UFL1: variants seen among roughly 807,000 people sequenced by gnomAD.
UFL1 encodes UFM1 specific ligase 1.
Under a neutral mutation model 99.3 loss-of-function variants are expected in UFL1, and 78 were observed. The ratio of observed to expected loss-of-function variants is 0.79; its 90% CI spans 0.65 to 0.95. The LOEUF is 0.95. Ranked by LOEUF, UFL1 falls within the 40% of genes least tolerant of loss-of-function variation. The probability of loss-of-function intolerance (pLI) is 0.00; values close to 1 mark genes in which losing one functional copy is unlikely to be tolerated. For missense variants in UFL1, 936 were observed against 937.0 expected, an observed-to-expected ratio of 1.00 and a Z score of 0.01; for synonymous variants, 335 against 322.2, an observed-to-expected ratio of 1.04 and a Z score of -0.42.
At chr6:96,540,869 CT>C (rs1190032480) in intron 11 of UFL1, among the ~76,000 whole-genome samples, 1 of 151,272 alleles carries the variant, frequency 6.6e-6, no homozygotes, top group African/African-American at 2.4e-5. Flanking sequence ...TTTGTGAAAA[CT>C]TTATTTTATC....
rs965862127 is a variant in UFL1, at chr6:96,548,145, T to G, written c.1403-19T>G. 6.7e-7 allele frequency: 1 copy of G among 1,487,658 alleles called. No individual in the cohort carries two copies. 92.2% of individuals were successfully genotyped at this position (1,487,658 alleles called of 1,614,324 possible). ...TTTTTATTTATTTATTTATTTGCCA[T>G]TGCTCATGTCCGATATAGGAAAGAA... On this transcript the variant is annotated intron_variant, in intron 12 of 18. Coordinates refer to ENST00000369278, the MANE Select transcript of UFL1 (RefSeq NM_015323.5).
chr6:96,553,193 A>G, intron 18 of UFL1, 92 bp from the exon 19 acceptor site: 4 of 1,179,932 alleles, frequency 3.4e-6, no homozygotes, highest in Non-Finnish European at 3.6e-6. Context: ...AAAGATGAGG[A>G]CCTTCAATGT....
Position 96,549,715 on chromosome 6 carries a change from T to C in UFL1, c.1734T>C (p.Cys578=). ...ALTKHLLKSV[C]TDITNLIFNF... ...CCAAACACTTGCTGAAGTCAGTGTG[T>C]ACTGATATCACTAACCTCATTTTCA... Residue 578 remains cysteine, a synonymous_variant, in exon 15 of 19, where the codon TGT becomes TGC. Transcript: ENST00000369278. The C allele has an allele frequency of 6.2e-7, 1 of 1,612,462 alleles. No homozygotes were observed.
intron 15 of UFL1, among the ~76,000 whole-genome samples, chr6:96,550,339 T>C (rs1018963910): frequency 2.0e-5 from 3 of 151,822 alleles, no homozygotes; most frequent in Non-Finnish European, 2.9e-5. Context: ...CCTCCCACCT[T>C]CTCTACCTCC....
chr6:96,537,256 A>T, intron 8 of UFL1, 118 bp from the exon 9 acceptor site: 1 of 725,860 alleles, frequency 1.4e-6, no homozygotes, highest in Non-Finnish European at 2.1e-6. Flanking sequence ...GAGTTAGAGG[A>T]GTTAAGAAGG....
In UFL1 at chr6:96,552,501, C is replaced by A; in HGVS notation, c.2005C>A (p.Arg669=). Residue 669 remains arginine, a synonymous_variant, in exon 18 of 19, where the codon CGA becomes AGA. Transcript: ENST00000369278. Reference sequence around the variant, plus strand: ...TTTTAGACAGATACTGTTCCAACATCGACAAGCACTGGCTGAACAGCTAAA... The same window carrying A: ...TTTTAGACAGATACTGTTCCAACATAGACAAGCACTGGCTGAACAGCTAAA... The part of the protein sequence containing the change: ...KRERQILFQH[R]QALAEQLKVT... 3 of 1,581,156 alleles carry A rather than the reference C, an allele frequency of 1.9e-6. No individual in the cohort carries two copies. Among genetic ancestry groups the A allele is most frequent in the East Asian group, 2.3e-5 (1 of 43,730 alleles).
chr6:96,526,387 A>G lies in UFL1; in HGVS notation c.417A>G (p.Ile139Met). The change falls in exon 5 of 19, where the codon ATA becomes ATG. Residue 139 changes from isoleucine (I) to methionine (M), a missense_variant. Coordinates refer to ENST00000369278, the MANE Select transcript of UFL1 (RefSeq NM_015323.5). Reference protein sequence around the residue: ...DKLQESGQVTISELCKTYDLP... With the variant: ...DKLQESGQVTMSELCKTYDLP... ...TGCAAGAAAGTGGTCAGGTCACCAT[A>G]TCAGAACTGTGTAAAACTTATGATC... The G allele has an allele frequency of 1.2e-6, 2 of 1,613,570 alleles. No homozygotes were observed. Among genetic ancestry groups the G allele is most frequent in the Non-Finnish European group, 1.7e-6 (2 of 1,179,798 alleles).
At position 96,526,348 on chromosome 6, in the gene UFL1, G is replaced by C; in HGVS notation, c.378G>C (p.Glu126Asp). 6.2e-7 allele frequency: 1 copy of C among 1,613,384 alleles called. No individual in the cohort carries two copies. The highest frequency in any genetic ancestry group is 8.5e-7 in the Non-Finnish European group (1 of 1,179,702). ...ATTATTTGGATCGGTTGGCAGAAGA[G>C]GTCAATGATAAATTGCAAGAAAGTG... ...DENYLDRLAEEVNDKLQESGQ... is the reference protein window; with the variant it reads ...DENYLDRLAEDVNDKLQESGQ... The change falls in exon 5 of 19, where the codon GAG (glutamate) becomes GAC (aspartate). Residue 126 changes from glutamate (E) to aspartate (D), a missense_variant. Coordinates refer to ENST00000369278, the MANE Select transcript of UFL1 (RefSeq NM_015323.5).
In UFL1 at chr6:96,553,436, A is replaced by G. The variant is rs1049891030; in HGVS notation, c.2318A>G (p.Gln773Arg). The G allele has an allele frequency of 6.2e-7, 1 of 1,613,752 alleles. No individual in the cohort carries two copies. The highest frequency in any genetic ancestry group is 8.5e-7 in the Non-Finnish European group (1 of 1,179,820). The change falls in exon 19 of 19, where the codon CAA becomes CGA. Residue 773 changes from glutamine (Q) to arginine (R), a missense_variant. By Grantham distance (43) the Gln-to-Arg change is conservative (BLOSUM62 1). Coordinates refer to ENST00000369278, the MANE Select transcript of UFL1 (RefSeq NM_015323.5). ...GCCAGTACTACTCGTAAAGAGCTTCAAGAACTTTCTTCATCCATTAAAGAC... is the reference window on the plus strand; with the variant it reads ...GCCAGTACTACTCGTAAAGAGCTTCGAGAACTTTCTTCATCCATTAAAGAC... ...DVASTTRKEL[Q>R]ELSSSIKDLV... is the part of the protein sequence containing the mutation.
intron 6 of UFL1, among the ~76,000 whole-genome samples, chr6:96,533,844 C>T (rs1270436651): frequency 1.3e-5 from 2 of 148,768 alleles, no homozygotes; most frequent in Admixed American, 6.7e-5. Flanking sequence ...CTCTCAGTCA[C>T]CCTAATCTAG....
chr6:96,537,838 G>T (rs1002074423), intron 9 of UFL1, among the ~76,000 whole-genome samples: 1 of 151,732 alleles, frequency 6.6e-6, no homozygotes, highest in African/African-American at 2.4e-5. Context: ...TCTTTTCCAC[G>T]CATTCACAGC....
intron 13 of UFL1, among the ~76,000 whole-genome samples, chr6:96,548,992 TTAC>T (rs1175263177): frequency 4.6e-5 from 7 of 151,782 alleles, no homozygotes; most frequent in Admixed American, 1.3e-4. Flanking sequence ...AATGAAATAG[TTAC>T]TACTAATCAT....
chr6:96,525,540 A>T (rs1769686322), intron 4 of UFL1, 146 bp downstream of exon 4: 1 of 673,268 alleles, frequency 1.5e-6, no homozygotes, highest in Admixed American at 3.2e-5. Context: ...GGTTTATTTC[A>T]CTTAAAAAGT....
chr6:96,552,600 C>G lies in UFL1; in HGVS notation c.2104C>G (p.Leu702Val). 1.2e-6 allele frequency: 2 copies of G among 1,612,894 alleles called. No homozygotes were observed. Among genetic ancestry groups the G allele is most frequent in the Admixed American group, 1.7e-5 (1 of 59,826 alleles). The change falls in exon 18 of 19, where the codon CTC becomes GTC. Residue 702 changes from leucine (L) to valine (V), a missense_variant. Leu to Val is a conservative substitution (Grantham distance 32, BLOSUM62 1). Coordinates refer to ENST00000369278, the MANE Select transcript of UFL1 (RefSeq NM_015323.5). Reference sequence around the variant, plus strand: ...GTTTCAGTTTTCAACCCACAGCATGCTCCATGCACCTGGAAGATGTGTCCC... The same window carrying G: ...GTTTCAGTTTTCAACCCACAGCATGGTCCATGCACCTGGAAGATGTGTCCC... ...LLFQFSTHSM[L>V]HAPGRCVPQI...
In UFL1 at chr6:96,523,183, T is replaced by C. The variant is rs781003377; in HGVS notation, c.115T>C (p.Leu39=). ...GAACTGCATTGAGATTGTTAATAAA[T>C]TGATTGCTCAGAAACAGCTAGAAGT... ...ERNCIEIVNK[L]IAQKQLEVVH... Residue 39 remains leucine, a synonymous_variant, in exon 2 of 19, where the codon TTG becomes CTG. Transcript: ENST00000369278. The C allele has an allele frequency of 5.6e-6, 9 of 1,612,808 alleles. No individual in the cohort carries two copies. In the East Asian group the frequency reaches 2.0e-4, roughly 36 times the overall value.
intron 6 of UFL1, 28 bp from the exon 7 acceptor site, chr6:96,534,235 G>GT (rs746248754): frequency 0.13 from 122,942 of 977,536 alleles, 19 homozygotes; most frequent in South Asian, 0.14. Flanking sequence ...TGAGTAAGAA[G>GT]TTTTTTTTTT....
intron 12 of UFL1, among the ~76,000 whole-genome samples, chr6:96,543,614 G>A (rs1358567021): frequency 1.3e-5 from 2 of 151,104 alleles, no homozygotes; most frequent in African/African-American, 4.8e-5. Flanking sequence ...AATGAGGAAA[G>A]TGGTTATGAC....
chr6:96,552,120 A>G (rs368956299), intron 17 of UFL1, among the ~76,000 whole-genome samples, 197 bp downstream of exon 17: 2 of 152,084 alleles, frequency 1.3e-5, no homozygotes, highest in African/African-American at 4.8e-5. Context: ...CTCTGGATCA[A>G]GTAGCAGAGT....
chr6:96,534,347 C>T, intron 7 of UFL1, 26 bp downstream of exon 7: 1 of 1,469,902 alleles, frequency 6.8e-7, no homozygotes, highest in Non-Finnish European at 9.2e-7. Context: ...ATTATATTTA[C>T]TTAATTAGCT....
Sources: gnomAD v4.1 joint callset for allele counts (sites outside exome capture counted in the v4.1 genomes callset) on GRCh38, gnomAD v4.1.1 for gene constraint, MANE v1.5 for transcripts, NCBI Gene and HGNC (gene_info 2026-07-23, HGNC 2026-07-21) for gene names.